Variants in CERKL observed in about 807,000 individuals in gnomAD.
CERKL encodes the protein CERK like autophagy regulator, also known as ceramide kinase-like protein.
In CERKL, 61 loss-of-function variants were observed where a neutral mutation model predicts 63.4. The ratio of observed to expected loss-of-function variants is 0.96; its 90% CI spans 0.78 to 1.19. The LOEUF (loss-of-function observed/expected upper bound fraction) is 1.19, where lower values mean the gene tolerates loss of function less well. Among genes scored for constraint, CERKL ranks in the 50% most tolerant of loss-of-function variants. The pLI, the probability that CERKL is intolerant of heterozygous loss-of-function variation, is 0.00. For synonymous variants in CERKL, 250 were observed against 230.5 expected (o/e 1.08, Z -0.77); for missense variants, 675 against 655.5 (o/e 1.03, Z -0.33).
chr2:181,596,297 T>C (rs532750909), intron 2 of CERKL, among the ~76,000 whole-genome samples: 1 of 152,320 alleles, frequency 6.6e-6, no homozygotes, highest in African/African-American at 2.4e-5. Flanking sequence ...TTACTTGTTT[T>C]TAGTATAATT....
At chr2:181,615,184 G>T (rs371539356) in intron 1 of CERKL, among the ~76,000 whole-genome samples, 74 of 152,038 alleles carry the variant, frequency 4.9e-4, no homozygotes, top group African/African-American at 1.7e-3. Flanking sequence ...GTATTTTTTT[G>T]GGGGGAAAAG....
Position 181,555,492 on chromosome 2 carries a change from C to G in CERKL, c.820+3074G>C, listed in dbSNP as rs377498436. Among the ~76,000 whole-genome samples the G allele has an allele frequency of 1.7e-3, 266 of 152,218 alleles. 3 individuals are homozygous for G. The highest frequency in any genetic ancestry group is 5.7e-3 in the African/African-American group (236 of 41,530). On this transcript the variant is annotated intron_variant, in intron 5 of 12. Transcript: ENST00000410087. ...TCAGATTATATCTGAATATCTCTCT[C>G]CTTTTAAATTCTGACTTTCTGAAAG...
intron 2 of CERKL, among the ~76,000 whole-genome samples, chr2:181,576,243 A>C (rs564683662): frequency 6.6e-6 from 1 of 152,326 alleles, no homozygotes; most frequent in Admixed American, 6.5e-5. Context: ...CATCACAATA[A>C]TTACTGATTC....
intron 1 of CERKL, among the ~76,000 whole-genome samples, chr2:181,639,277 GGTAGA>G (rs1197546415): frequency 6.6e-6 from 1 of 152,104 alleles, no homozygotes; most frequent in Admixed American, 6.5e-5. Flanking sequence ...AAGGGATGTG[GGTAGA>G]GTATAGATGA....
Position 181,614,156 on chromosome 2 carries a change from G to C in CERKL, c.239-10077C>G, listed in dbSNP as rs1574499739. Among the ~76,000 whole-genome samples the C allele has an allele frequency of 2.6e-5, 4 of 152,290 alleles. No homozygotes were observed. In the South Asian group the frequency reaches 8.3e-4, roughly 32 times the overall value. On this transcript the variant is annotated intron_variant, in intron 1 of 12. Transcript: ENST00000410087. ...CCACTGGCTTCCTAGACTTGAGAGAGAGCTAAAGCAGAAGGCTTCTGAGGT... is the reference window on the plus strand; with the variant it reads ...CCACTGGCTTCCTAGACTTGAGAGACAGCTAAAGCAGAAGGCTTCTGAGGT...
chr2:181,586,960 G>A (rs1183304170), intron 2 of CERKL, among the ~76,000 whole-genome samples: 1 of 152,160 alleles, frequency 6.6e-6, no homozygotes, highest in Non-Finnish European at 1.5e-5. Flanking sequence ...TTGTTGCAAA[G>A]ATAAAACCCA....
intron 1 of CERKL, among the ~76,000 whole-genome samples, chr2:181,643,423 G>C (rs1687532313): frequency 6.6e-6 from 1 of 152,178 alleles, no homozygotes; most frequent in African/African-American, 2.4e-5. Flanking sequence ...ATAGAGAGCT[G>C]GAGGAGGGAA....
At chr2:181,547,175 A>G (rs1221232884) in intron 10 of CERKL, among the ~76,000 whole-genome samples, 2 of 152,140 alleles carry the variant, frequency 1.3e-5, no homozygotes, top group Non-Finnish European at 1.5e-5. Context: ...TAAATTACCC[A>G]GTCTCGGGTA....
In CERKL at chr2:181,631,969, A is replaced by C. The variant is rs112739205; in HGVS notation, c.238+24800T>G. Among the ~76,000 whole-genome samples the C allele has an allele frequency of 2.7e-3, 418 of 152,306 alleles. 2 individuals are homozygous for C. The highest frequency in any genetic ancestry group is 9.4e-3 in the African/African-American group (389 of 41,568). On this transcript the variant is annotated intron_variant, in intron 1 of 12. Coordinates refer to ENST00000410087, the MANE Select transcript of CERKL (RefSeq NM_201548.5). ...TGAAAGAAGAAAATATATAGTACTA[A>C]ATTTAGTATTTTGAGGACAAATTTA...
chr2:181,551,946 C>A (rs973266802), intron 5 of CERKL, among the ~76,000 whole-genome samples: 11 of 152,176 alleles, frequency 7.2e-5, no homozygotes, highest in African/African-American at 2.6e-4. Context: ...AGATTAGGGA[C>A]AATCAGCCTG....
rs1385347066 is a variant in CERKL, at chr2:181,547,858, G to C, written c.1134-11C>G. 1 of 1,613,332 alleles carries C rather than the reference G, an allele frequency of 6.2e-7. No individual in the cohort carries two copies. The highest frequency in any genetic ancestry group is 1.7e-5 in the Admixed American group (1 of 59,860). ...GATCCCTGTGCCCTCCTAAAAGAAAGAAAACAAAACAAAGACATAAAACAG... is the reference window on the plus strand; with the variant it reads ...GATCCCTGTGCCCTCCTAAAAGAAACAAAACAAAACAAAGACATAAAACAG... On this transcript the variant is annotated splice_polypyrimidine_tract_variant and intron_variant, in intron 8 of 12. Transcript: ENST00000410087.
At chr2:181,638,350 G>C (rs1318708010) in intron 1 of CERKL, among the ~76,000 whole-genome samples, 1 of 152,138 alleles carries the variant, frequency 6.6e-6, no homozygotes, top group African/African-American at 2.4e-5. Flanking sequence ...AAATGTTCAA[G>C]ATGAACCTGG....
chr2:181,617,334 G>A (rs78427874), intron 1 of CERKL: 2 of 152,272 alleles, frequency 1.3e-5, no homozygotes, highest in East Asian at 3.9e-4. Flanking sequence ...TGAACTAGCT[G>A]TTTTTCATAG....
In CERKL at chr2:181,558,489, G is replaced by A; in HGVS notation, c.820+77C>T. The A allele has an allele frequency of 6.9e-7, 1 of 1,458,910 alleles. No homozygotes were observed. Among genetic ancestry groups the A allele is most frequent in the Non-Finnish European group, 9.6e-7 (1 of 1,046,424 alleles). The allele number at this position is 1,458,910 out of a possible 1,614,324, so 90.4% of individuals were successfully genotyped here. A position where few individuals can be genotyped will look rare whatever the true frequency, so the allele number is the denominator to read the frequency against. On this transcript the variant is annotated intron_variant, in intron 5 of 12. Transcript: ENST00000410087. The surrounding 1 kb of genome is among the most constrained non-coding windows in gnomAD (Gnocchi z 4.2). The stretch of plus-strand genomic sequence containing the variant: ...AAAGTCTGTTCATTAATTCTGTGTT[G>A]TGCTGTCTAGATTAGCAAGTAAGAA...
At chr2:181,566,264 C>T in intron 3 of CERKL, 143 bp from the exon 4 acceptor site, 2 of 701,434 alleles carry the variant, frequency 2.9e-6, no homozygotes, top group Non-Finnish European at 5.2e-6. Flanking sequence ...ATATTTTAAT[C>T]ATGGGCAAGA....
At chr2:181,538,710 AAACTAAGATGGAAGGAT>A (rs879278109) in intron 12 of CERKL, among the ~76,000 whole-genome samples, 1 of 152,186 alleles carries the variant, frequency 6.6e-6, no homozygotes, top group Non-Finnish European at 1.5e-5. Context: ...GAGTGAGAGG[AAACTAAGATGGAAGGAT>A]AAAAATCTAA....
intron 1 of CERKL, 48 bp from the exon 2 acceptor site, chr2:181,604,127 G>C: frequency 6.7e-7 from 1 of 1,500,876 alleles, no homozygotes; most frequent in Non-Finnish European, 9.2e-7. Flanking sequence ...GTTTCATAGA[G>C]AGGAACAACA....
chr2:181,648,655 T>C (rs1228470808), intron 1 of CERKL, among the ~76,000 whole-genome samples: 1 of 152,202 alleles, frequency 6.6e-6, no homozygotes, highest in Non-Finnish European at 1.5e-5. Flanking sequence ...TCCCCAGTGA[T>C]ATCATGTTAC....
intron 2 of CERKL, among the ~76,000 whole-genome samples, chr2:181,594,726 G>A (rs555887774): frequency 1.6e-4 from 24 of 152,044 alleles, no homozygotes; most frequent in African/African-American, 3.4e-4. Context: ...AGTAAAAAAC[G>A]GTGCTTTTGC....
Sources: allele counts gnomAD v4.1 joint callset (sites outside exome capture counted in the v4.1 genomes callset), GRCh38; gene constraint gnomAD v4.1.1; non-coding constraint Gnocchi (gnomAD v3.1); transcripts MANE v1.5; gene names NCBI Gene and HGNC (gene_info 2026-07-23, HGNC 2026-07-21).